Variants in SEL1L2 observed in about 807,000 individuals in gnomAD.
SEL1L2 encodes SEL1L2 adaptor subunit of SYVN1 ubiquitin ligase.
SEL1L2 carries 89 observed loss-of-function variants against 98.8 expected under a neutral mutation model. That is an observed-to-expected ratio of 0.90 (90% CI 0.76 to 1.07). SEL1L2 has a LOEUF of 1.07. Among genes scored for constraint, SEL1L2 ranks in the 50% least tolerant of loss-of-function variants. The pLI is 0.00. For missense variants in SEL1L2, 788 were observed against 812.0 expected, an observed-to-expected ratio of 0.97 and a Z score of 0.36; for synonymous variants, 262 against 278.5, an observed-to-expected ratio of 0.94 and a Z score of 0.59.
intron 5 of SEL1L2, among the ~76,000 whole-genome samples, chr20:13,894,234 A>T (rs1026926889): frequency 6.6e-6 from 1 of 152,200 alleles, no homozygotes; most frequent in Non-Finnish European, 1.5e-5. Flanking sequence ...CAAGAAGTCA[A>T]CAAAACTAAA....
At chr20:13,967,090 C>T (rs2051080201) in intron 1 of SEL1L2, among the ~76,000 whole-genome samples, 1 of 151,812 alleles carries the variant, frequency 6.6e-6, no homozygotes, top group Admixed American at 6.6e-5. Flanking sequence ...ACCATATTGA[C>T]CAGGCTGGTC....
intron 5 of SEL1L2, among the ~76,000 whole-genome samples, chr20:13,890,239 G>T (rs1391436604): frequency 6.6e-6 from 1 of 152,074 alleles, no homozygotes; most frequent in Non-Finnish European, 1.5e-5. Context: ...CCAGTGACTG[G>T]TTTTTTTCCT....
At chr20:13,960,120 A>T (rs2050712635) in intron 1 of SEL1L2, among the ~76,000 whole-genome samples, 1 of 152,238 alleles carries the variant, frequency 6.6e-6, no homozygotes. Context: ...GAAAAAGTAA[A>T]CTAGAAAAAG....
At chr20:13,948,584 T>C in intron 2 of SEL1L2, among the ~76,000 whole-genome samples, 1 of 152,170 alleles carries the variant, frequency 6.6e-6, no homozygotes, top group East Asian at 1.9e-4. Flanking sequence ...TTACCTTATT[T>C]CATATACAAA....
chr20:13,888,445 A>T lies in SEL1L2; in HGVS notation c.603+14T>A. 6.6e-7 allele frequency: 1 copy of T among 1,513,302 alleles called. No homozygotes were observed. Among genetic ancestry groups the T allele is most frequent in the Non-Finnish European group, 9.1e-7 (1 of 1,099,080 alleles). 93.7% of individuals were successfully genotyped at this position (1,513,302 alleles called of 1,614,324 possible). On this transcript the variant is annotated intron_variant, in intron 6 of 19. Coordinates refer to ENST00000284951, the MANE Select transcript of SEL1L2 (RefSeq NM_025229.2). Reference sequence around the variant, plus strand: ...AATCAATTTTGTTCCAGAATAAAACAGAATGATCTTTACCTTAGCTTGATC... The same window carrying T: ...AATCAATTTTGTTCCAGAATAAAACTGAATGATCTTTACCTTAGCTTGATC...
intron 1 of SEL1L2, among the ~76,000 whole-genome samples, chr20:13,987,325 TTTTTTTG>T (rs2052260517): frequency 7.4e-6 from 1 of 134,750 alleles, no homozygotes; most frequent in African/African-American, 2.8e-5. Flanking sequence ...TTTTTTTTTT[TTTTTTTG>T]TTGTTGTTGT....
At chr20:13,886,221 C>T in intron 9 of SEL1L2, 67 bp downstream of exon 9, 1 of 1,219,320 alleles carries the variant, frequency 8.2e-7, no homozygotes, top group Non-Finnish European at 1.2e-6. Flanking sequence ...CCCTCCAGGA[C>T]TCAGAAAGAA....
chr20:13,980,150 C>T (rs894804671), intron 1 of SEL1L2, among the ~76,000 whole-genome samples: 10 of 152,076 alleles, frequency 6.6e-5, no homozygotes, highest in Admixed American at 1.3e-4. Context: ...AAAATCACAA[C>T]GAGATATTGC....
chr20:13,872,331 G>T (rs941849549), intron 12 of SEL1L2, among the ~76,000 whole-genome samples: 1 of 152,124 alleles, frequency 6.6e-6, no homozygotes, highest in Non-Finnish European at 1.5e-5. Flanking sequence ...TGAATCATGG[G>T]GGCGGTTACC....
intron 2 of SEL1L2, among the ~76,000 whole-genome samples, chr20:13,946,161 T>TA (rs964766190): frequency 1.8e-4 from 27 of 151,272 alleles, no homozygotes; most frequent in East Asian, 3.9e-4. Flanking sequence ...GGAAAAGTTA[T>TA]AAAAAAAAAG....
chr20:13,964,576 C>A (rs1034632288), intron 1 of SEL1L2, among the ~76,000 whole-genome samples: 1 of 151,646 alleles, frequency 6.6e-6, no homozygotes, highest in Non-Finnish European at 1.5e-5. Flanking sequence ...CCTCAGCCTC[C>A]GGAGTAGCTG....
intron 11 of SEL1L2, among the ~76,000 whole-genome samples, chr20:13,876,392 C>T (rs957958668): frequency 7.9e-6 from 1 of 126,128 alleles, no homozygotes; most frequent in Non-Finnish European, 1.6e-5. Context: ...TTTGTGTTTT[C>T]TCTCTCTCTC....
At chr20:13,975,118 A>G (rs2051475334) in intron 1 of SEL1L2, among the ~76,000 whole-genome samples, 1 of 152,204 alleles carries the variant, frequency 6.6e-6, no homozygotes, top group Non-Finnish European at 1.5e-5. Flanking sequence ...GGGCTGATAA[A>G]TGATATAAAT....
intron 2 of SEL1L2, among the ~76,000 whole-genome samples, chr20:13,952,627 G>A (rs1047541707): frequency 2.0e-5 from 3 of 152,204 alleles, no homozygotes; most frequent in African/African-American, 4.8e-5. Context: ...TTGCTAGGAA[G>A]AGAAGGGAAC....
chr20:13,995,198 A>G (rs1053979196), upstream of SEL1L2: 1 of 170,484 alleles, frequency 5.9e-6, no homozygotes, highest in Admixed American at 6.4e-5. The surrounding 1 kb of genome is among the most constrained non-coding windows in gnomAD (Gnocchi z 4.3). Flanking sequence ...CCAAGAGGCC[A>G]GCGGTAAGCG....
At chr20:13,963,432 A>G (rs891131871) in intron 1 of SEL1L2, among the ~76,000 whole-genome samples, 1 of 147,620 alleles carries the variant, frequency 6.8e-6, no homozygotes, top group African/African-American at 2.5e-5. Flanking sequence ...CAGAGTAACA[A>G]TAGGCCAGGT....
At chr20:13,901,357 ACTGTG>A (rs948517731) in intron 5 of SEL1L2, among the ~76,000 whole-genome samples, 14 of 152,166 alleles carry the variant, frequency 9.2e-5, no homozygotes, top group African/African-American at 3.4e-4. Context: ...GGCGTGAGCC[ACTGTG>A]CCTGGCCATT....
At chr20:13,981,805 T>TTC (rs942192095) in intron 1 of SEL1L2, among the ~76,000 whole-genome samples, 4 of 152,244 alleles carry the variant, frequency 2.6e-5, no homozygotes, top group African/African-American at 9.6e-5. Flanking sequence ...TACTTGCAGT[T>TTC]TGTCTTTTCC....
upstream of SEL1L2, chr20:13,990,747 T>G (rs550789407): frequency 1.9e-6 from 1 of 521,544 alleles, no homozygotes; most frequent in East Asian, 3.4e-5. Flanking sequence ...GATCCACTGC[T>G]ATTCCTCTGG....
Sources: allele counts gnomAD v4.1 joint callset (sites outside exome capture counted in the v4.1 genomes callset), GRCh38; gene constraint gnomAD v4.1.1; non-coding constraint Gnocchi (gnomAD v3.1); transcripts MANE v1.5; gene names NCBI Gene and HGNC (gene_info 2026-07-23, HGNC 2026-07-21).